GFRAL: variants seen among roughly 807,000 people sequenced by gnomAD.
GFRAL encodes GDNF family receptor alpha like.
Under a neutral mutation model 45.4 loss-of-function variants are expected in GFRAL, and 36 were observed. That is an observed-to-expected ratio of 0.79 (90% confidence interval 0.61 to 1.05). The LOEUF is 1.05. GFRAL is among the 50% of genes least tolerant of loss of function. The pLI is 0.00. For synonymous variants in GFRAL, 166 were observed against 154.1 expected (o/e 1.08, Z -0.57); for missense variants, 507 against 467.5 (o/e 1.08, Z -0.78).
chr6:55,359,249 T>G (rs747092158), intron 6 of GFRAL, 111 bp downstream of exon 6: 224 of 851,710 alleles, frequency 2.6e-4, no homozygotes, highest in Non-Finnish European at 3.6e-4. Flanking sequence ...AGCACAGACA[T>G]TTTTGTGTTT....
chr6:55,402,125 C>A lies in GFRAL; in HGVS notation c.*272C>A. On this transcript the variant is annotated 3_prime_UTR_variant, in exon 9 of 9. Transcript: ENST00000340465. ...CCCGAGTAGCTGGGATTACAGGTACCCGCCACCACGCCCAGCTAATTTTTT... is the reference window on the plus strand; with the variant it reads ...CCCGAGTAGCTGGGATTACAGGTACACGCCACCACGCCCAGCTAATTTTTT... 1 of 278,630 alleles carries A rather than the reference C, an allele frequency of 3.6e-6. No individual in the cohort carries two copies. The highest frequency in any genetic ancestry group is 6.6e-6 in the Non-Finnish European group (1 of 152,272). 17.3% of individuals were successfully genotyped at this position (278,630 alleles called of 1,614,324 possible).
At chr6:55,372,418 A>C (rs949912924) in intron 6 of GFRAL, among the ~76,000 whole-genome samples, 1 of 152,158 alleles carries the variant, frequency 6.6e-6, no homozygotes, top group African/African-American at 2.4e-5. Context: ...TGAGATTGTG[A>C]TATAACAAAT....
At chr6:55,355,378 GT>G (rs1328005370) in intron 5 of GFRAL, among the ~76,000 whole-genome samples, 3 of 151,912 alleles carry the variant, frequency 2.0e-5, no homozygotes, top group Non-Finnish European at 4.4e-5. Context: ...ATTCTCAAAT[GT>G]TTGAATGGCT....
At chr6:55,375,546 A>G (rs980193052) in intron 6 of GFRAL, among the ~76,000 whole-genome samples, 9 of 152,122 alleles carry the variant, frequency 5.9e-5, no homozygotes, top group Non-Finnish European at 1.3e-4. Context: ...TGTTCCCTAG[A>G]TATAGGATCG....
Position 55,394,780 on chromosome 6 carries a change from G to A in GFRAL, c.953-4400G>A, listed in dbSNP as rs147387901. Among the ~76,000 whole-genome samples, 282 of 152,072 alleles carry A rather than the reference G, an allele frequency of 1.9e-3. 1 individual carries two copies. Among genetic ancestry groups the A allele is most frequent in the African/African-American group, 6.4e-3 (266 of 41,510 alleles). ...TGACTGCAAAGACATCAAATCTGGTGTATTTTCACACCACATTCAACAATA... is the reference window on the plus strand; with the variant it reads ...TGACTGCAAAGACATCAAATCTGGTATATTTTCACACCACATTCAACAATA... On this transcript the variant is annotated intron_variant, in intron 6 of 8. Coordinates refer to ENST00000340465, the MANE Select transcript of GFRAL (RefSeq NM_207410.2).
At chr6:55,336,454 G>A (rs987847501) in intron 3 of GFRAL, among the ~76,000 whole-genome samples, 5 of 152,070 alleles carry the variant, frequency 3.3e-5, no homozygotes, top group African/African-American at 9.7e-5. Flanking sequence ...TATAGTTCTT[G>A]CACAACTTTT....
At chr6:55,363,762 T>C (rs1025230894) in intron 6 of GFRAL, among the ~76,000 whole-genome samples, 3 of 151,742 alleles carry the variant, frequency 2.0e-5, no homozygotes, top group African/African-American at 7.3e-5. Context: ...ACAAAGGACA[T>C]GAACTCATCC....
intron 4 of GFRAL, 137 bp from the exon 5 acceptor site, chr6:55,351,116 A>G (rs1390201439): frequency 1.5e-6 from 1 of 648,230 alleles, no homozygotes; most frequent in Non-Finnish European, 2.8e-6. Context: ...TTACTCTAAA[A>G]GATGTAATGT....
At chr6:55,328,718 C>T (rs1197143575) in intron 1 of GFRAL, among the ~76,000 whole-genome samples, 1 of 151,888 alleles carries the variant, frequency 6.6e-6, no homozygotes, top group Non-Finnish European at 1.5e-5. Context: ...CTCATTATGA[C>T]CTCAGTTGAA....
At chr6:55,397,963 T>C (rs764858356) in intron 6 of GFRAL, among the ~76,000 whole-genome samples, 53 of 152,192 alleles carry the variant, frequency 3.5e-4, no homozygotes, top group Non-Finnish European at 6.5e-4. Flanking sequence ...TTGCCTAAAG[T>C]ATTTAGTACA....
chr6:55,357,320 T>A (rs1206202847), intron 5 of GFRAL, among the ~76,000 whole-genome samples: 2 of 151,872 alleles, frequency 1.3e-5, no homozygotes, highest in Non-Finnish European at 2.9e-5. Context: ...TCTAATACTA[T>A]TTGCTTTACA....
intron 5 of GFRAL, among the ~76,000 whole-genome samples, chr6:55,354,040 C>T (rs903447030): frequency 2.6e-5 from 4 of 152,026 alleles, no homozygotes; most frequent in Non-Finnish European, 5.9e-5. Context: ...GATTTATTCA[C>T]AGATGGGTAC....
chr6:55,383,340 A>G (rs970722697), intron 6 of GFRAL, among the ~76,000 whole-genome samples: 1 of 152,008 alleles, frequency 6.6e-6, no homozygotes, highest in Non-Finnish European at 1.5e-5. Flanking sequence ...ATCCAATCTC[A>G]TATACAATTA....
chr6:55,401,812 G>T lies in GFRAL; in HGVS notation c.1144G>T (p.Ala382Ser), dbSNP rs367840186. ...CAGAACTTCCAGAATATCAAGTAAA[G>T]CAAGAGATCCTTCATCGATCCAAAT... Reference protein sequence around the residue: ...KLRTSRISSKARDPSSIQIPG... With the variant: ...KLRTSRISSKSRDPSSIQIPG... The change falls in exon 9 of 9, where the codon GCA (alanine) becomes TCA (serine). Residue 382 changes from alanine (A) to serine (S), a missense_variant. By Grantham distance (99) the Ala-to-Ser change is moderately conservative. Coordinates refer to ENST00000340465, the MANE Select transcript of GFRAL (RefSeq NM_207410.2). 6.5e-7 allele frequency: 1 copy of T among 1,545,870 alleles called. No homozygotes were observed.
At chr6:55,359,855 T>C (rs982013665) in intron 6 of GFRAL, among the ~76,000 whole-genome samples, 1 of 151,630 alleles carries the variant, frequency 6.6e-6, no homozygotes, top group Non-Finnish European at 1.5e-5. Flanking sequence ...ACTGTGGGAG[T>C]GGACTACATA....
chr6:55,379,384 A>T (rs1371464182), intron 6 of GFRAL, among the ~76,000 whole-genome samples: 1 of 151,816 alleles, frequency 6.6e-6, no homozygotes, highest in African/African-American at 2.4e-5. Flanking sequence ...TAAAACCATT[A>T]TGTTGATTTG....
intron 6 of GFRAL, among the ~76,000 whole-genome samples, chr6:55,395,175 A>AAAAAAATATATATATATATATATAT: frequency 8.1e-6 from 1 of 123,510 alleles, no homozygotes. Flanking sequence ...AAAAAAAAAA[A>AAAAAAATATATATATATATATATAT]ATATATATAT....
At chr6:55,354,337 T>C (rs977646500) in intron 5 of GFRAL, among the ~76,000 whole-genome samples, 1 of 152,016 alleles carries the variant, frequency 6.6e-6, no homozygotes, top group Non-Finnish European at 1.5e-5. Flanking sequence ...AACCACCTTT[T>C]CAAAATGTTT....
chr6:55,371,570 T>C (rs1443353796), intron 6 of GFRAL, among the ~76,000 whole-genome samples: 1 of 152,204 alleles, frequency 6.6e-6, no homozygotes, highest in African/African-American at 2.4e-5. Context: ...AAGTCTGACA[T>C]TTGTCACAAG....
Sources: allele counts gnomAD v4.1 joint callset (sites outside exome capture counted in the v4.1 genomes callset), GRCh38; gene constraint gnomAD v4.1.1; transcripts MANE v1.5; gene names NCBI Gene and HGNC (gene_info 2026-07-23, HGNC 2026-07-21).